Variants in PIGQ observed in about 807,000 individuals in gnomAD.
PIGQ encodes phosphatidylinositol N-acetylglucosaminyltransferase subunit Q.
PIGQ carries 54 observed loss-of-function variants against 60.3 expected under a neutral mutation model. The observed-to-expected ratio is 0.90, with a 90% CI of 0.72 to 1.12. The LOEUF (loss-of-function observed/expected upper bound fraction) is 1.12. PIGQ is among the 50% of genes most tolerant of loss of function. PIGQ has a pLI of 0.00. For missense variants in PIGQ, 799 were observed against 793.5 expected (o/e 1.01, Z -0.08); for synonymous variants, 416 against 363.7 (o/e 1.14, Z -1.64).
intron 1 of PIGQ, chr16:570,875 G>C (rs1034921762): frequency 6.6e-6 from 1 of 152,360 alleles, no homozygotes; most frequent in Non-Finnish European, 1.5e-5. Flanking sequence ...CGTCCTAACT[G>C]GGCTGGGGTG....
At chr16:580,089 C>G (rs7191939) in intron 7 of PIGQ, 94 bp from the exon 8 acceptor site, 1 of 945,262 alleles carries the variant, frequency 1.1e-6, no homozygotes, top group Non-Finnish European at 1.6e-6. Context: ...CGCAAGGTCC[C>G]GACTGCAGCT....
At chr16:577,741 C>T (rs2035743729) in intron 4 of PIGQ, among the ~76,000 whole-genome samples, 1 of 152,180 alleles carries the variant, frequency 6.6e-6, no homozygotes. Flanking sequence ...TGGGGTCTGC[C>T]CGCTGGGGCA....
chr16:572,534 C>T (rs958127158), intron 1 of PIGQ: 2 of 456,044 alleles, frequency 4.4e-6, no homozygotes, highest in Non-Finnish European at 8.8e-6. Context: ...ACCACCCCGA[C>T]GTGTGCATCC....
intron 1 of PIGQ, among the ~76,000 whole-genome samples, chr16:571,115 A>G (rs2035614928): frequency 4.6e-5 from 1 of 21,924 alleles, no homozygotes; most frequent in African/African-American, 2.1e-4. Context: ...GTGTCTGGCT[A>G]GCCTGGTGCC....
intron 1 of PIGQ, among the ~76,000 whole-genome samples, chr16:571,080 T>TCTGCCTA (rs1567173376): frequency 2.1e-4 from 2 of 9,312 alleles, no homozygotes; most frequent in Admixed American, 1.6e-3. Flanking sequence ...TGTGTGTGTG[T>TCTGCCTA]GTGTGTGTGT....
intron 5 of PIGQ, 74 bp from the exon 6 acceptor site, chr16:578,711 T>G: frequency 1.3e-6 from 2 of 1,516,446 alleles, no homozygotes; most frequent in Non-Finnish European, 1.8e-6. Flanking sequence ...CCTCATGTCC[T>G]GTGTGTGTGA....
In PIGQ at chr16:582,905, G is replaced by T. The variant is rs201105616; in HGVS notation, c.1616G>T (p.Arg539Leu). 6.2e-7 allele frequency: 1 copy of T among 1,608,438 alleles called. No individual in the cohort carries two copies. The highest frequency in any genetic ancestry group is 1.1e-5 in the South Asian group (1 of 90,892). Residue 539 changes from arginine (R) to leucine (L), a missense_variant, in exon 11 of 11, where the codon CGC becomes CTC. Transcript: ENST00000321878. ...LMQINPLPYSRVVHTYRLPSC... is the reference protein window; with the variant it reads ...LMQINPLPYSLVVHTYRLPSC... ...CAGATAAACCCACTGCCCTACAGCC[G>T]CGTGGTGCACACCTACCGCCTCCCC...
chr16:576,372 C>G, intron 4 of PIGQ, 118 bp downstream of exon 4: 1 of 1,197,832 alleles, frequency 8.3e-7, no homozygotes, highest in Non-Finnish European at 1.1e-6. Flanking sequence ...CTTCTCCATG[C>G]TCTGGAGACA....
rs751045443 is a variant in PIGQ, at chr16:580,274, C to T, written c.1416+11C>T. 5 of 1,595,448 alleles carry T rather than the reference C, an allele frequency of 3.1e-6. No individual in the cohort carries two copies. The highest frequency in any genetic ancestry group is 4.3e-6 in the Non-Finnish European group (5 of 1,166,626). On this transcript the variant is annotated intron_variant, in intron 8 of 10. Transcript: ENST00000321878. ...CTGGTGTTCACCCTGGTGAGCTGAGCACCCACAGGCTGGGCCTGGCTGCAG... is the reference window on the plus strand; with the variant it reads ...CTGGTGTTCACCCTGGTGAGCTGAGTACCCACAGGCTGGGCCTGGCTGCAG...
chr16:580,159 C>A, intron 7 of PIGQ, 24 bp from the exon 8 acceptor site: 1 of 1,593,666 alleles, frequency 6.3e-7, no homozygotes. Context: ...TGCTGATGCC[C>A]GGTGTGCTGG....
Position 583,233 on chromosome 16 carries a change from C to G in PIGQ, c.*198C>G, listed in dbSNP as rs980178979. ...GCAGATGTGGGGGTGGCCAGCCAGGCTGGCCGCACTCCATCACTGGCACTG... is the reference window on the plus strand; with the variant it reads ...GCAGATGTGGGGGTGGCCAGCCAGGGTGGCCGCACTCCATCACTGGCACTG... On this transcript the variant is annotated 3_prime_UTR_variant, in exon 11 of 11. Transcript: ENST00000321878. The G allele has an allele frequency of 1.9e-6, 3 of 1,612,838 alleles. No homozygotes were observed. The highest frequency in any genetic ancestry group is 2.5e-6 in the Non-Finnish European group (3 of 1,179,972).
Position 578,389 on chromosome 16 carries a change from A to G in PIGQ, c.953A>G (p.Glu318Gly). ...CCTGTGTCCCTGCAGCACGTGGCCG[A>G]GGAGCTCCAGCATCTGCTGCAGTGG... is the stretch of plus-strand genomic sequence containing the variant. ...ALVPVADHVA[E>G]ELQHLLQWLM... Residue 318 changes from glutamate to glycine, a missense_variant, in exon 5 of 11, where the codon GAG becomes GGG. Transcript: ENST00000321878. 6.2e-7 allele frequency: 1 copy of G among 1,610,758 alleles called. No individual in the cohort carries two copies. The highest frequency in any genetic ancestry group is 1.1e-5 in the South Asian group (1 of 91,030).
chr16:581,760 C>CTTT (rs59948933), intron 9 of PIGQ: 13,082 of 82,866 alleles, frequency 0.16, 2,185 homozygotes, highest in East Asian at 0.48. Context: ...CCGTGCCCGG[C>CTTT]TTTTTTTTTT....
At chr16:571,634 G>A (rs1377234768) in intron 1 of PIGQ, among the ~76,000 whole-genome samples, 1 of 140,954 alleles carries the variant, frequency 7.1e-6, no homozygotes, top group African/African-American at 2.7e-5. Context: ...GTGTGTGTGT[G>A]TTTCCTCAGT....
intron 9 of PIGQ, 145 bp from the exon 10 acceptor site, chr16:582,103 G>A (rs775042261): frequency 2.1e-5 from 15 of 708,188 alleles, no homozygotes; most frequent in African/African-American, 3.5e-5. Flanking sequence ...GGAGTTGGGC[G>A]ACGGAGGGGG....
Position 583,333 on chromosome 16 carries a change from A to G in PIGQ, c.*298A>G. The G allele has an allele frequency of 6.2e-7, 1 of 1,612,542 alleles. No homozygotes were observed. The highest frequency in any genetic ancestry group is 8.5e-7 in the Non-Finnish European group (1 of 1,179,750). On this transcript the variant is annotated 3_prime_UTR_variant, in exon 11 of 11. Transcript: ENST00000321878. ...CACAGCAACCCCAGGTGTCCAGAGC[A>G]CTGCCCCATGCCCACCCTGTGTACC...
At chr16:579,234 C>T (rs945183729) in intron 7 of PIGQ, 54 bp downstream of exon 7, 1 of 1,450,908 alleles carries the variant, frequency 6.9e-7, no homozygotes, top group Non-Finnish European at 9.7e-7. Flanking sequence ...CCTGTGCCCG[C>T]TGGGCCAGCG....
rs892939473 is a variant in PIGQ, at chr16:578,237, G to T, written c.943-142G>T. ...CGGAGCCATCTGTGAAGGGGAGCCCGTGTGCTGTCCACGCTAGGACGCGGT... is the reference window on the plus strand; with the variant it reads ...CGGAGCCATCTGTGAAGGGGAGCCCTTGTGCTGTCCACGCTAGGACGCGGT... On this transcript the variant is annotated intron_variant, in intron 4 of 10. Coordinates refer to ENST00000321878, the MANE Select transcript of PIGQ (RefSeq NM_004204.5). 2.2e-5 allele frequency: 17 copies of T among 774,830 alleles called. No individual in the cohort carries two copies. The East Asian group carries it at 4.4e-4, about 20-fold the overall frequency. The allele number at this position is 774,830 out of a possible 1,614,324, so 48.0% of individuals were successfully genotyped here. A position where few individuals can be genotyped will look rare whatever the true frequency, so the allele number is the denominator to read the frequency against.
rs1567178400 is a variant in PIGQ, at chr16:583,019, G to A, written c.1730G>A (p.Gly577Glu). The A allele has an allele frequency of 2.5e-6, 4 of 1,613,110 alleles. No homozygotes were observed. Among genetic ancestry groups the A allele is most frequent in the Admixed American group, 1.7e-5 (1 of 60,020 alleles). Reference sequence around the variant, plus strand: ...CTCATCTACCCCTGGAGGCAGAGAGGGGACAAGCAGGACTGAGGGAACTGC... The same window carrying A: ...CTCATCTACCCCTGGAGGCAGAGAGAGGACAAGCAGGACTGAGGGAACTGC... Reference protein sequence around the residue: ...GELIYPWRQRGDKQD With the variant: ...GELIYPWRQREDKQD Residue 577 changes from glycine to glutamate, a missense_variant, in exon 11 of 11, where the codon GGG becomes GAG. Physicochemically the swap from Gly to Glu is moderately conservative, Grantham distance 98. Coordinates refer to ENST00000321878, the MANE Select transcript of PIGQ (RefSeq NM_004204.5).
Sources: allele counts gnomAD v4.1 joint callset (sites outside exome capture counted in the v4.1 genomes callset), GRCh38; gene constraint gnomAD v4.1.1; transcripts MANE v1.5; gene names NCBI Gene and HGNC (gene_info 2026-07-23, HGNC 2026-07-21).